The following SOX5 variants were observed in gnomAD, a reference collection of about 807,000 sequenced individuals.
The protein encoded by SOX5 is transcription factor SOX-5.
In SOX5, 9 loss-of-function variants were observed where a neutral mutation model predicts 92.0. That is an observed-to-expected ratio of 0.10 (90% CI 0.06 to 0.17). The LOEUF is 0.17. Among genes scored for constraint, SOX5 ranks in the 10% least tolerant of loss-of-function variants. The pLI, the probability that SOX5 is intolerant of heterozygous loss-of-function variation, is 1.00. For missense variants in SOX5, 642 were observed against 944.5 expected (o/e 0.68, Z 4.20); for synonymous variants, 344 against 336.3 (o/e 1.02, Z -0.25).
chr12:24,212,611 C>T (rs1301670131), intron 4 of SOX5: 1 of 408,926 alleles, frequency 2.4e-6, no homozygotes, highest in Non-Finnish European at 4.9e-6. Context: ...CAAGACACTT[C>T]CCTGGACCCA....
At chr12:23,678,929 A>C (rs1338250648) in intron 6 of SOX5, among the ~76,000 whole-genome samples, 1 of 152,138 alleles carries the variant, frequency 6.6e-6, no homozygotes, top group Non-Finnish European at 1.5e-5. Context: ...TATCAAAATA[A>C]ATTATAACTT....
intron 13 of SOX5, among the ~76,000 whole-genome samples, chr12:23,538,221 T>C (rs960762920): frequency 6.6e-6 from 1 of 152,182 alleles, no homozygotes; most frequent in African/African-American, 2.4e-5. Context: ...TTCCTCAATA[T>C]GGGCTGTTAC....
At chr12:23,656,043 A>G (rs1004411366) in intron 7 of SOX5, among the ~76,000 whole-genome samples, 1 of 152,156 alleles carries the variant, frequency 6.6e-6, no homozygotes, top group Non-Finnish European at 1.5e-5. Context: ...ATCTCCTTAT[A>G]AAGTATGTAG....
At chr12:24,555,007 A>C (rs551659650) in intron 1 of SOX5, among the ~76,000 whole-genome samples, 2 of 152,346 alleles carry the variant, frequency 1.3e-5, no homozygotes, top group Admixed American at 1.3e-4. Flanking sequence ...AACTCCCTGA[A>C]GGGGCTCTTA....
intron 6 of SOX5, among the ~76,000 whole-genome samples, chr12:23,727,996 C>T (rs1010185908): frequency 1.3e-5 from 2 of 151,938 alleles, no homozygotes; most frequent in African/African-American, 2.4e-5. Context: ...TGGATTTCTA[C>T]CATTAGGTAA....
intron 1 of SOX5, among the ~76,000 whole-genome samples, chr12:24,455,320 A>C (rs1429164368): frequency 2.0e-5 from 3 of 152,208 alleles, no homozygotes; most frequent in Non-Finnish European, 4.4e-5. Flanking sequence ...TTAAAGTTCC[A>C]AAGTGGCTGA....
At chr12:24,491,796 C>A (rs569756316) in intron 1 of SOX5, among the ~76,000 whole-genome samples, 10 of 152,120 alleles carry the variant, frequency 6.6e-5, no homozygotes, top group Non-Finnish European at 7.3e-5. Flanking sequence ...TGTTCTTCCT[C>A]ATGGCAAAGG....
chr12:24,285,844 G>A (rs1469129895), intron 2 of SOX5, among the ~76,000 whole-genome samples: 1 of 152,074 alleles, frequency 6.6e-6, no homozygotes, highest in Non-Finnish European at 1.5e-5. Context: ...TTACATTTCT[G>A]TGAAACAGAC....
intron 2 of SOX5, among the ~76,000 whole-genome samples, chr12:24,308,579 C>T (rs539733098): frequency 1.2e-4 from 18 of 152,308 alleles, no homozygotes; most frequent in Non-Finnish European, 2.2e-4. Context: ...TGTGGTACCA[C>T]GTGACTTGGA....
chr12:24,072,493 A>T (rs1209227817), intron 4 of SOX5, among the ~76,000 whole-genome samples: 2 of 152,270 alleles, frequency 1.3e-5, no homozygotes, highest in Non-Finnish European at 2.9e-5. Flanking sequence ...TTTAGAAGTC[A>T]TAATAAGCTC....
In SOX5 at chr12:24,306,717, G is replaced by A. The variant is rs78837308; in HGVS notation, c.-173-29405C>T. 2.6e-4 allele frequency among the ~76,000 whole-genome samples: 39 copies of A among 152,182 alleles called. 2 individuals carry two copies. In the East Asian group the frequency reaches 7.3e-3, roughly 29 times the overall value. On this transcript the variant is annotated intron_variant, in intron 2 of 4. Coordinates refer to the SOX5 transcript ENST00000446891. ...AAAACCCAGAGAGGGGAGAGAAAGG[G>A]GCAAAAACATCCTTTTGGAGACAAA... is the stretch of plus-strand genomic sequence containing the variant.
chr12:23,574,219 A>C (rs867585285), intron 10 of SOX5, among the ~76,000 whole-genome samples: 6 of 151,954 alleles, frequency 3.9e-5, no homozygotes, highest in Non-Finnish European at 4.4e-5. Context: ...TGGTGGACTT[A>C]TTTGCTCTCC....
At chr12:23,837,279 T>A (rs1319447025) in intron 3 of SOX5, among the ~76,000 whole-genome samples, 36 of 74,574 alleles carry the variant, frequency 4.8e-4, no homozygotes, top group African/African-American at 1.7e-3. Context: ...TAATATGTAT[T>A]TATATTTATA....
intron 1 of SOX5, among the ~76,000 whole-genome samples, chr12:23,935,622 C>T (rs907738841): frequency 4.6e-5 from 7 of 151,046 alleles, no homozygotes; most frequent in Admixed American, 3.3e-4. Flanking sequence ...AAACCCTTTA[C>T]GTAAGTGTAT....
intron 4 of SOX5, among the ~76,000 whole-genome samples, chr12:24,048,710 G>A (rs1957274017): frequency 6.6e-6 from 1 of 152,126 alleles, no homozygotes; most frequent in Admixed American, 6.5e-5. Flanking sequence ...TATACCACAG[G>A]ACGAACGAAG....
At chr12:23,570,500 G>A (rs1332276094) in intron 10 of SOX5, among the ~76,000 whole-genome samples, 1 of 151,926 alleles carries the variant, frequency 6.6e-6, no homozygotes, top group Admixed American at 6.6e-5. Flanking sequence ...TTAAAAACCT[G>A]GGCATGGTGA....
At chr12:23,792,659 A>AAAAAAAAAAAAAAC (rs2095496767) in intron 3 of SOX5, among the ~76,000 whole-genome samples, 1 of 132,556 alleles carries the variant, frequency 7.5e-6, no homozygotes, top group African/African-American at 2.7e-5. Flanking sequence ...AAAAAAAAAA[A>AAAAAAAAAAAAAAC]AAACTTGGAC....
intron 13 of SOX5, among the ~76,000 whole-genome samples, chr12:23,537,539 TAATA>T (rs1299530190): frequency 7.2e-5 from 11 of 152,210 alleles, no homozygotes; most frequent in Admixed American, 6.5e-4. Context: ...GATTTTCTCT[TAATA>T]AATCAATTTC....
chr12:23,697,277 G>A (rs2090011829), intron 6 of SOX5, among the ~76,000 whole-genome samples: 1 of 152,056 alleles, frequency 6.6e-6, no homozygotes, highest in African/African-American at 2.4e-5. Flanking sequence ...GCATTTTTAA[G>A]GTCTCTTGAT....
Sources: allele counts gnomAD v4.1 joint callset (sites outside exome capture counted in the v4.1 genomes callset), GRCh38; gene constraint gnomAD v4.1.1; transcripts MANE v1.5; gene names NCBI Gene and HGNC (gene_info 2026-07-23, HGNC 2026-07-21).